The following ANTXRL variants were observed in gnomAD, a reference collection of about 807,000 sequenced individuals.
The protein encoded by ANTXRL is ANTXR like, also known as anthrax toxin receptor-like.
A neutral mutation model predicts 75.4 loss-of-function variants in ANTXRL; 63 were observed. The observed-to-expected ratio is 0.84, with a 90% CI of 0.68 to 1.03. ANTXRL has a LOEUF of 1.03. Among genes scored for constraint, ANTXRL ranks in the 50% least tolerant of loss-of-function variants. The probability of loss-of-function intolerance (pLI) is 0.00; values close to 1 mark genes in which losing one functional copy is unlikely to be tolerated. For synonymous variants in ANTXRL, 335 were observed against 291.3 expected (o/e 1.15, Z -1.53); for missense variants, 797 against 789.4 (o/e 1.01, Z -0.12).
intron 2 of ANTXRL, 36 bp from the exon 3 acceptor site, chr10:46,293,793 C>A (rs1554957596): frequency 6.6e-7 from 1 of 1,518,920 alleles, no homozygotes; most frequent in Non-Finnish European, 8.8e-7. Flanking sequence ...TGAGCCTGTG[C>A]CACTGGCTTC....
At chr10:46,288,243 A>G (rs1836842843) in intron 1 of ANTXRL, among the ~76,000 whole-genome samples, 1 of 152,106 alleles carries the variant, frequency 6.6e-6, no homozygotes, top group Admixed American at 6.5e-5. Context: ...AATCTTCAGG[A>G]GAATGTTGCA....
intron 15 of ANTXRL, among the ~76,000 whole-genome samples, chr10:46,312,306 G>A (rs1431457364): frequency 6.7e-6 from 1 of 149,568 alleles, no homozygotes; most frequent in Non-Finnish European, 1.5e-5. Context: ...CTTGAGCCCC[G>A]GAGCCAACAC....
intron 1 of ANTXRL, among the ~76,000 whole-genome samples, chr10:46,289,376 C>T (rs1457518158): frequency 2.0e-5 from 3 of 152,164 alleles, no homozygotes; most frequent in Non-Finnish European, 4.4e-5. Flanking sequence ...TAAGTACATT[C>T]ACAGTGTTGT....
Position 46,306,875 on chromosome 10 carries a change from A to C in ANTXRL, c.965+3A>C. The C allele has an allele frequency of 6.5e-7, 1 of 1,527,892 alleles. No homozygotes were observed. Among genetic ancestry groups the C allele is most frequent in the South Asian group, 1.2e-5 (1 of 82,826 alleles). 94.6% of individuals were successfully genotyped at this position (1,527,892 alleles called of 1,614,324 possible). A position where few individuals can be genotyped will look rare whatever the true frequency, so the allele number is the denominator to read the frequency against. On this transcript the variant is annotated splice_donor_region_variant and intron_variant, in intron 11 of 16. Transcript: ENST00000620264. ...CCAAAACTAGAAAAACCTGGAGAGT[A>C]AGTGCCCCTGGCAGGAGGCTAGAGG...
Position 46,297,286 on chromosome 10 carries a change from T to G in ANTXRL, c.543T>G (p.Asp181Glu). The change falls in exon 6 of 17, where the codon GAT (aspartate) becomes GAG (glutamate). Residue 181 changes from aspartate (D) to glutamate (E), a missense_variant. Asp to Glu is a conservative substitution (Grantham distance 45, BLOSUM62 2). This residue lies in a region of ANTXRL where 262 missense variants were observed against 271.9 expected (regional missense o/e 0.96). Coordinates refer to ENST00000620264, the MANE Select transcript of ANTXRL (RefSeq NM_001278688.3). ...KVPSMIIAMT[D>E]GELVAHAFQD... ...CCAGCATGATTATTGCTATGACTGA[T>G]GGAGAACTGGTGGCACATGCATTTC... 6.5e-7 allele frequency: 1 copy of G among 1,536,522 alleles called. No individual in the cohort carries two copies. Among genetic ancestry groups the G allele is most frequent in the Admixed American group, 2.0e-5 (1 of 50,992 alleles).
At position 46,287,331 on chromosome 10, in the gene ANTXRL, G is replaced by A. The variant is rs537543518; in HGVS notation, c.69G>A (p.Pro23=). The A allele has an allele frequency of 2.1e-5, 32 of 1,535,974 alleles. No homozygotes were observed. Among genetic ancestry groups the A allele is most frequent in the Middle Eastern group, 1.7e-4 (1 of 5,982 alleles). The change falls in exon 1 of 17, where the codon CCG becomes CCA. Residue 23 remains proline, a synonymous_variant. Coordinates refer to ENST00000620264, the MANE Select transcript of ANTXRL (RefSeq NM_001278688.3). ...VFLLLLLLPP[P]LFRAGSLRYH... is the part of the protein sequence containing the mutation. ...TGCTGCTGCTGCTGCTTCCTCCACCGCTTTTTAGAGCAGGAAGCCTTCGGT... is the reference window on the plus strand; with the variant it reads ...TGCTGCTGCTGCTGCTTCCTCCACCACTTTTTAGAGCAGGAAGCCTTCGGT...
chr10:46,305,688 T>C (rs1157666909), intron 10 of ANTXRL, among the ~76,000 whole-genome samples: 3 of 151,170 alleles, frequency 2.0e-5, no homozygotes, highest in Admixed American at 6.6e-5. Context: ...GGCTCAGGAG[T>C]GAGAATGTTC....
At chr10:46,304,611 C>G (rs1371640387) in intron 10 of ANTXRL, among the ~76,000 whole-genome samples, 4 of 152,186 alleles carry the variant, frequency 2.6e-5, no homozygotes, top group African/African-American at 9.7e-5. Flanking sequence ...ATAAAACCCT[C>G]TCTTTGTAGC....
chr10:46,302,837 G>T lies in ANTXRL; in HGVS notation c.895+17G>T, dbSNP rs781942132. On this transcript the variant is annotated intron_variant, in intron 10 of 16. Transcript: ENST00000620264. ...CTATCATTGGTAAGTTGTCTCCTCT[G>T]TGCCTCTGAGTCACGTATTTCCCAC... 1.0e-5 allele frequency: 15 copies of T among 1,494,556 alleles called. No individual in the cohort carries two copies. The African/African-American group carries it at 2.1e-4, about 21-fold the overall frequency. The allele number at this position is 1,494,556 out of a possible 1,614,324, so 92.6% of individuals were successfully genotyped here. A position where few individuals can be genotyped will look rare whatever the true frequency, so the allele number is the denominator to read the frequency against.
At chr10:46,293,249 T>TGG (rs576213949) in intron 2 of ANTXRL, 1 of 139,628 alleles carries the variant, frequency 7.2e-6, no homozygotes, top group Non-Finnish European at 1.6e-5. Context: ...TGCATGTGTG[T>TGG]GGGGGGGTGT....
At chr10:46,310,134 G>A (rs1838336874) in intron 13 of ANTXRL, among the ~76,000 whole-genome samples, 1 of 152,128 alleles carries the variant, frequency 6.6e-6, no homozygotes, top group Non-Finnish European at 1.5e-5. Context: ...GGGAAGTGGG[G>A]CGAACGCTGT....
intron 5 of ANTXRL, among the ~76,000 whole-genome samples, 178 bp downstream of exon 5, chr10:46,296,430 C>T (rs1837380606): frequency 6.6e-6 from 1 of 152,168 alleles, no homozygotes; most frequent in African/African-American, 2.4e-5. Flanking sequence ...TAAGCCCTCA[C>T]CCCATGGAGT....
At chr10:46,298,988 C>T (rs1837555587) in intron 9 of ANTXRL, among the ~76,000 whole-genome samples, 1 of 151,814 alleles carries the variant, frequency 6.6e-6, no homozygotes, top group Non-Finnish European at 1.5e-5. Context: ...GTGTTGTAAC[C>T]TCACAACGGT....
At chr10:46,312,086 G>GA (rs1838461947) in intron 15 of ANTXRL, among the ~76,000 whole-genome samples, 1 of 146,792 alleles carries the variant, frequency 6.8e-6, no homozygotes, top group Non-Finnish European at 1.5e-5. Flanking sequence ...AAAAAAAATA[G>GA]AAATGACCAG....
At chr10:46,301,703 C>A (rs556761500) in intron 9 of ANTXRL, among the ~76,000 whole-genome samples, 26 of 152,272 alleles carry the variant, frequency 1.7e-4, no homozygotes, top group African/African-American at 6.0e-4. Flanking sequence ...TGCAGGCTCC[C>A]ATTTTGAAAG....
At chr10:46,315,108 G>A (rs1232354360) in intron 16 of ANTXRL, among the ~76,000 whole-genome samples, 6 of 152,312 alleles carry the variant, frequency 3.9e-5, no homozygotes, top group African/African-American at 9.6e-5. Flanking sequence ...CATGAATCAT[G>A]CACTAAAGAG....
intron 1 of ANTXRL, among the ~76,000 whole-genome samples, chr10:46,289,970 G>A (rs79401403): frequency 0.033 from 4,959 of 150,990 alleles, 174 homozygotes; most frequent in East Asian, 0.12. Flanking sequence ...CCATGTTGTC[G>A]CATCCATCAG....
Position 46,306,837 on chromosome 10 carries a change from GAA to G in ANTXRL, c.931_932del (p.Asn311LeufsTer16). On this transcript the variant is annotated frameshift_variant, in exon 11 of 17. Transcript: ENST00000620264. LOFTEE classifies it high-confidence loss of function. The part of the protein sequence containing the change: ...KPTSIDNNSM[N>X]CPGPKLEKPG... ...CAACCAGTATCGACAATAATTCCAT[GAA>G]TTGCCCTGGGCCAAAACTAGAAAAA... The G allele has an allele frequency of 6.5e-7, 1 of 1,530,456 alleles. No individual in the cohort carries two copies. The highest frequency in any genetic ancestry group is 8.7e-7 in the Non-Finnish European group (1 of 1,144,630). The allele number at this position is 1,530,456 out of a possible 1,614,324, so 94.8% of individuals were successfully genotyped here. A position where few individuals can be genotyped will look rare whatever the true frequency, so the allele number is the denominator to read the frequency against.
intron 16 of ANTXRL, among the ~76,000 whole-genome samples, chr10:46,318,406 T>C (rs1177044321): frequency 6.6e-6 from 1 of 152,112 alleles, no homozygotes; most frequent in African/African-American, 2.4e-5. Flanking sequence ...TAGAGCACAA[T>C]GTCAACTTTT....
Sources: gnomAD v4.1 joint callset for allele counts (sites outside exome capture counted in the v4.1 genomes callset) on GRCh38, gnomAD v4.1.1 for gene constraint, gnomAD v4.1.1 regional missense constraint, MANE v1.5 for transcripts, NCBI Gene and HGNC (gene_info 2026-07-23, HGNC 2026-07-21) for gene names.